Variants in FTCD observed in about 807,000 individuals in gnomAD.
The protein encoded by FTCD is formimidoyltransferase cyclodeaminase, also known as formimidoyltransferase-cyclodeaminase.
Under a neutral mutation model 62.9 loss-of-function variants are expected in FTCD, and 76 were observed. The observed-to-expected ratio is 1.21, with a 90% CI of 1.00 to 1.46. The LOEUF (loss-of-function observed/expected upper bound fraction) is 1.46. Among genes scored for constraint, FTCD ranks in the 40% most tolerant of loss-of-function variants. The pLI, the probability that FTCD is intolerant of heterozygous loss-of-function variation, is 0.00. For synonymous variants in FTCD, 397 were observed against 336.9 expected (o/e 1.18, Z -1.95); for missense variants, 845 against 751.3 (o/e 1.12, Z -1.46).
chr21:46,140,427 G>A (rs1254329191), intron 10 of FTCD, among the ~76,000 whole-genome samples: 141 of 47,864 alleles, frequency 2.9e-3, no homozygotes, highest in Admixed American at 4.1e-3. Context: ...CCACCTTCGC[G>A]TGGCTCACAG....
intron 13 of FTCD, 80 bp downstream of exon 13, chr21:46,137,159 C>A: frequency 1.3e-6 from 2 of 1,588,776 alleles, no homozygotes; most frequent in Non-Finnish European, 8.6e-7. Flanking sequence ...CCACTGCCCA[C>A]AGCCAGTCGG....
At chr21:46,149,981 C>G (rs1292416747) in intron 7 of FTCD, 138 bp downstream of exon 7, 3 of 871,710 alleles carry the variant, frequency 3.4e-6, no homozygotes, top group Non-Finnish European at 5.5e-6. Flanking sequence ...AGTGAAATCT[C>G]ATCTTCTGAA....
downstream of FTCD, chr21:46,136,564 G>A: frequency 1.3e-6 from 2 of 1,582,382 alleles, no homozygotes; most frequent in South Asian, 2.3e-5. Context: ...GACCTGCACT[G>A]AACCCCAGGT....
Position 46,154,244 on chromosome 21 carries a change from A to G in FTCD, c.143T>C (p.Val48Ala). The G allele has an allele frequency of 4.3e-6, 7 of 1,612,782 alleles. No homozygotes were observed. The highest frequency in any genetic ancestry group is 1.1e-5 in the South Asian group (1 of 91,080). The change falls in exon 2 of 14, where the codon GTG (valine) becomes GCG (alanine). Residue 48 changes from valine (V) to alanine (A), a missense_variant. Physicochemically the swap from Val to Ala is moderately conservative, Grantham distance 64. Transcript: ENST00000397746. ...CTCCGGCGGCCCCACGAAGGTGTAC[A>G]CGGTGCGGTTGGTGGAAGGGCCTGC... ...VDAGPSTNRT[V>A]YTFVGPPECV...
Position 46,137,019 on chromosome 21 carries a change from C to G in FTCD, c.1594G>C (p.Val532Leu). 1 of 1,613,648 alleles carries G rather than the reference C, an allele frequency of 6.2e-7. No individual in the cohort carries two copies. Among genetic ancestry groups the G allele is most frequent in the Non-Finnish European group, 8.5e-7 (1 of 1,180,012 alleles). The change falls in exon 14 of 14, where the codon GTG becomes CTG. Residue 532 changes from valine (V) to leucine (L), a missense_variant. Coordinates refer to ENST00000397746, the MANE Select transcript of FTCD (RefSeq NM_206965.2). ...TGCCGGGTCTCCAAGCAGTCCAGCA[C>G]CAGTGCAGCCTGGGTCTTGGCTTCC... is the stretch of plus-strand genomic sequence containing the variant. The part of the protein sequence containing the change: ...LQEAKTQAAL[V>L]LDCLETRQE
intron 11 of FTCD, 105 bp from the exon 12 acceptor site, chr21:46,138,751 G>A: frequency 8.2e-6 from 12 of 1,462,656 alleles, no homozygotes; most frequent in Non-Finnish European, 1.1e-5. Flanking sequence ...CGGGCGATGG[G>A]AAGTCATTCC....
chr21:46,143,257 GCTCCAGA>G (rs1281588256), intron 10 of FTCD, among the ~76,000 whole-genome samples: 1 of 151,896 alleles, frequency 6.6e-6, no homozygotes, highest in Non-Finnish European at 1.5e-5. Flanking sequence ...CCACCGCCCT[GCTCCAGA>G]GGCTGGGGCA....
At chr21:46,139,500 A>C (rs1219829941) in intron 10 of FTCD, among the ~76,000 whole-genome samples, 1 of 152,162 alleles carries the variant, frequency 6.6e-6, no homozygotes, top group Non-Finnish European at 1.5e-5. Context: ...CCAAGGACCC[A>C]CTGGGAGCCC....
intron 2 of FTCD, 125 bp from the exon 3 acceptor site, chr21:46,153,160 G>A (rs2079341824): frequency 3.8e-6 from 4 of 1,058,472 alleles, no homozygotes; most frequent in East Asian, 5.3e-5. Context: ...CCAGCAAGCT[G>A]CTCACACTGA....
rs755812358 is a variant in FTCD at position 46,145,444 on chromosome 21, G to A, written c.1233C>T (p.Ala411=). The A allele has an allele frequency of 6.4e-7, 1 of 1,557,854 alleles. No individual in the cohort carries two copies. Among genetic ancestry groups the A allele is most frequent in the Non-Finnish European group, 8.7e-7 (1 of 1,151,670 alleles). ...ASAKLTTLVD[A]DAEAFTAYLE... ...GGTAGGCGGTGAAGGCCTCGGCGTC[G>A]GCATCCACCAGCGTGGTTAGCTTGG... The change falls in exon 10 of 14, where the codon GCC becomes GCT. Residue 411 remains alanine (A), a synonymous_variant. Coordinates refer to ENST00000397746, the MANE Select transcript of FTCD (RefSeq NM_206965.2).
intron 10 of FTCD, among the ~76,000 whole-genome samples, chr21:46,144,034 A>T (rs191637880): frequency 2.1e-4 from 32 of 152,044 alleles, no homozygotes; most frequent in East Asian, 1.4e-3. Context: ...AAAGAGGATT[A>T]AAAAAAATGA....
At chr21:46,144,693 A>G (rs565212803) in intron 10 of FTCD, among the ~76,000 whole-genome samples, 1 of 13,252 alleles carries the variant, frequency 7.5e-5, no homozygotes. Context: ...TCTCTCCGCC[A>G]TCTGCCTCTC....
chr21:46,142,744 A>G (rs760063734), intron 10 of FTCD: 5 of 152,208 alleles, frequency 3.3e-5, no homozygotes, highest in Non-Finnish European at 5.9e-5. Context: ...TTATGCCCTT[A>G]TTTGGCCCCG....
At chr21:46,148,824 G>A (rs991801365) in intron 7 of FTCD, among the ~76,000 whole-genome samples, 1 of 152,186 alleles carries the variant, frequency 6.6e-6, no homozygotes, top group Non-Finnish European at 1.5e-5. Context: ...CTGGATCACG[G>A]ATTGGAGGAG....
At chr21:46,142,834 G>A (rs2079051973) in intron 10 of FTCD, 1 of 152,364 alleles carries the variant, frequency 6.6e-6, no homozygotes, top group South Asian at 2.1e-4. Flanking sequence ...CGTTTTTAAA[G>A]AGTGCTGATT....
chr21:46,149,457 A>G (rs554299436), intron 7 of FTCD, among the ~76,000 whole-genome samples: 2 of 151,860 alleles, frequency 1.3e-5, no homozygotes, highest in East Asian at 3.9e-4. Context: ...TAAAAACACA[A>G]ACAGACAAAA....
At chr21:46,149,546 G>T (rs1409784148) in intron 7 of FTCD, among the ~76,000 whole-genome samples, 1 of 152,076 alleles carries the variant, frequency 6.6e-6, no homozygotes, top group Non-Finnish European at 1.5e-5. Flanking sequence ...TGAGTGAAAG[G>T]ACAGACCAAG....
intron 13 of FTCD, 72 bp downstream of exon 13, chr21:46,137,167 C>G: frequency 6.3e-7 from 1 of 1,581,088 alleles, no homozygotes; most frequent in South Asian, 1.1e-5. Flanking sequence ...CACAGCCAGT[C>G]GGCAATCACC....
At chr21:46,137,421 G>A (rs1353172760) in intron 12 of FTCD, 87 bp from the exon 13 acceptor site, 12 of 1,054,370 alleles carry the variant, frequency 1.1e-5, no homozygotes, top group South Asian at 2.5e-5. Context: ...CTCTGGGACA[G>A]GCCGGACTTC....
Sources: gnomAD v4.1 joint callset for allele counts (sites outside exome capture counted in the v4.1 genomes callset) on GRCh38, gnomAD v4.1.1 for gene constraint, MANE v1.5 for transcripts, NCBI Gene and HGNC (gene_info 2026-07-23, HGNC 2026-07-21) for gene names.